KANSL1L: variants seen among roughly 807,000 people sequenced by gnomAD.
KANSL1L encodes KAT8 regulatory NSL complex subunit 1 like.
Under a neutral mutation model 108.6 loss-of-function variants are expected in KANSL1L, and 25 were observed. That is an observed-to-expected ratio of 0.23 (90% CI 0.17 to 0.32). The LOEUF (loss-of-function observed/expected upper bound fraction) is 0.32. Ranked by LOEUF, KANSL1L falls within the 10% of genes least tolerant of loss-of-function variation. KANSL1L has a pLI of 1.00. For missense variants in KANSL1L, 1,137 were observed against 1,125.7 expected (o/e 1.01, Z -0.14); for synonymous variants, 405 against 395.1 (o/e 1.03, Z -0.30).
intron 8 of KANSL1L, among the ~76,000 whole-genome samples, chr2:210,037,880 A>T (rs1489309002): frequency 6.6e-6 from 1 of 152,166 alleles, no homozygotes; most frequent in Non-Finnish European, 1.5e-5. Flanking sequence ...CTGTTTCAAA[A>T]ATTATATGTG....
intron 1 of KANSL1L, among the ~76,000 whole-genome samples, chr2:210,159,827 G>A (rs1002129050): frequency 3.9e-5 from 6 of 152,014 alleles, no homozygotes; most frequent in Admixed American, 6.5e-5. Context: ...CGAGGCAGGC[G>A]GATCGAGACC....
intron 2 of KANSL1L, among the ~76,000 whole-genome samples, chr2:210,140,346 G>A (rs2095216799): frequency 6.6e-6 from 1 of 152,146 alleles, no homozygotes; most frequent in Admixed American, 6.6e-5. Flanking sequence ...TAAGGAGTAA[G>A]ATAAGGGTCC....
chr2:210,169,440 T>A (rs2125696581), intron 1 of KANSL1L, among the ~76,000 whole-genome samples: 1 of 152,278 alleles, frequency 6.6e-6, no homozygotes, highest in South Asian at 2.1e-4. Context: ...TTAGGAAAAA[T>A]ACACATATAT....
At chr2:210,159,531 A>T (rs2095350484) in intron 1 of KANSL1L, among the ~76,000 whole-genome samples, 6 of 152,208 alleles carry the variant, frequency 3.9e-5, no homozygotes, top group African/African-American at 1.4e-4. Context: ...TCTAATCTCC[A>T]GCACTAGAAT....
chr2:210,130,400 G>C (rs2095109476), intron 2 of KANSL1L, among the ~76,000 whole-genome samples: 2 of 152,136 alleles, frequency 1.3e-5, no homozygotes, highest in Admixed American at 1.3e-4. Flanking sequence ...TTTAAACAGA[G>C]AAAATATTTA....
intron 8 of KANSL1L, chr2:210,032,218 TCA>T (rs1214156635): frequency 2.0e-5 from 3 of 152,242 alleles, no homozygotes; most frequent in East Asian, 3.9e-4. Flanking sequence ...AGTGCCAAAC[TCA>T]CACTGAAATA....
chr2:210,051,960 A>G (rs2094296792), intron 6 of KANSL1L, among the ~76,000 whole-genome samples: 1 of 147,864 alleles, frequency 6.8e-6, no homozygotes, highest in Admixed American at 6.7e-5. Context: ...AAAAATTTTA[A>G]TTATAGCTAT....
At chr2:210,106,286 C>T (rs2094846044) in intron 3 of KANSL1L, among the ~76,000 whole-genome samples, 1 of 152,062 alleles carries the variant, frequency 6.6e-6, no homozygotes, top group African/African-American at 2.4e-5. Flanking sequence ...ATGGGCCAGT[C>T]TGTATAGATT....
At chr2:210,162,240 A>ATATATATATATG (rs1196823363) in intron 1 of KANSL1L, among the ~76,000 whole-genome samples, 1 of 143,908 alleles carries the variant, frequency 6.9e-6, no homozygotes, top group East Asian at 2.0e-4. Flanking sequence ...ATATATATAT[A>ATATATATATATG]TATGTATATC....
chr2:210,032,197 A>G (rs1227615223), intron 8 of KANSL1L: 1 of 152,188 alleles, frequency 6.6e-6, no homozygotes, highest in African/African-American at 2.4e-5. Flanking sequence ...AAAAAGAAAT[A>G]TGTAAGCTGA....
rs528439872 is a variant in KANSL1L, at chr2:210,080,872, T to C, written c.1551-5116A>G. Among the ~76,000 whole-genome samples, 6 of 151,918 alleles carry C rather than the reference T, an allele frequency of 3.9e-5. No homozygotes were observed. In the East Asian group the frequency reaches 1.2e-3, roughly 30 times the overall value. ...CTGTAATCCCAGCACTTTGGGAGGC[T>C]GAAGCAGGTGGATCACTTGGGGCCA... is the stretch of plus-strand genomic sequence containing the variant. On this transcript the variant is annotated intron_variant, in intron 5 of 14. Coordinates refer to ENST00000281772, the MANE Select transcript of KANSL1L (RefSeq NM_152519.4).
rs1014580316 is a variant in KANSL1L, at chr2:210,021,837, T to C, written c.*1112A>G. On this transcript the variant is annotated 3_prime_UTR_variant, in exon 15 of 15. Transcript: ENST00000281772. ...TTCATGTATACTCTTCAGTATCCAA[T>C]ATTGAAGCTTTGTTCTTTGAAAAAT... 6.6e-6 allele frequency: 1 copy of C among 151,684 alleles called. No homozygotes were observed. The highest frequency in any genetic ancestry group is 1.5e-5 in the Non-Finnish European group (1 of 67,870). 9.4% of individuals were successfully genotyped at this position (151,684 alleles called of 1,614,324 possible). A position where few individuals can be genotyped will look rare whatever the true frequency, so the allele number is the denominator to read the frequency against.
At chr2:210,024,479 A>C (rs1232716424) in intron 13 of KANSL1L, among the ~76,000 whole-genome samples, 1 of 152,088 alleles carries the variant, frequency 6.6e-6, no homozygotes, top group Non-Finnish European at 1.5e-5. Flanking sequence ...TGACTAATTA[A>C]ATGAAAGATG....
At chr2:210,091,888 A>C (rs1278562066) in intron 5 of KANSL1L, among the ~76,000 whole-genome samples, 3 of 152,060 alleles carry the variant, frequency 2.0e-5, no homozygotes, top group African/African-American at 7.2e-5. Context: ...GTTTGTCTCA[A>C]AATGTTTGTC....
At chr2:210,116,993 A>G (rs915587797) in intron 3 of KANSL1L, among the ~76,000 whole-genome samples, 8 of 152,200 alleles carry the variant, frequency 5.3e-5, no homozygotes, top group Admixed American at 2.6e-4. Flanking sequence ...AATCTAAGGT[A>G]ACACAAGAAG....
chr2:210,048,412 A>G (rs1451666482), intron 6 of KANSL1L, among the ~76,000 whole-genome samples: 2 of 151,984 alleles, frequency 1.3e-5, no homozygotes, highest in Non-Finnish European at 2.9e-5. Flanking sequence ...TTTCAACGCA[A>G]TTCTGTCTTT....
intron 5 of KANSL1L, among the ~76,000 whole-genome samples, chr2:210,080,661 T>C (rs936934839): frequency 5.3e-5 from 8 of 152,214 alleles, no homozygotes; most frequent in Non-Finnish European, 1.2e-4. Flanking sequence ...AAACATACCA[T>C]ACACTAGACA....
intron 6 of KANSL1L, among the ~76,000 whole-genome samples, chr2:210,060,471 G>T (rs542503119): frequency 6.6e-6 from 1 of 152,118 alleles, no homozygotes; most frequent in Non-Finnish European, 1.5e-5. Context: ...ATGGCTTGTG[G>T]ATTACATGCT....
chr2:210,021,706 T>A lies in KANSL1L; in HGVS notation c.*1243A>T, dbSNP rs560932734. 3 of 152,552 alleles carry A rather than the reference T, an allele frequency of 2.0e-5. No individual in the cohort carries two copies. Among genetic ancestry groups the A allele is most frequent in the Middle Eastern group, 3.4e-3 (1 of 294 alleles). The allele number at this position is 152,552 out of a possible 1,614,324, so 9.4% of individuals were successfully genotyped here. A position where few individuals can be genotyped will look rare whatever the true frequency, so the allele number is the denominator to read the frequency against. On this transcript the variant is annotated 3_prime_UTR_variant, in exon 15 of 15. Transcript: ENST00000281772. ...CCAATATTTTCAGTTATGTGGGTAG[T>A]ACAACTTGAGTAACCTTTTTTACAT...
Sources: gnomAD v4.1 joint callset for allele counts (sites outside exome capture counted in the v4.1 genomes callset) on GRCh38, gnomAD v4.1.1 for gene constraint, MANE v1.5 for transcripts, NCBI Gene and HGNC (gene_info 2026-07-23, HGNC 2026-07-21) for gene names.